Variants in CNTN4 observed in about 807,000 individuals in gnomAD.
CNTN4 encodes the protein contactin-4.
A neutral mutation model predicts 122.5 loss-of-function variants in CNTN4; 77 were observed. The ratio of observed to expected loss-of-function variants is 0.63; its 90% CI spans 0.52 to 0.76. The LOEUF (loss-of-function observed/expected upper bound fraction) is 0.76. Ranked by LOEUF, CNTN4 falls within the 30% of genes least tolerant of loss-of-function variation. The pLI is 0.00. For missense variants in CNTN4, 1,256 were observed against 1,259.1 expected (o/e 1.00, Z 0.04); for synonymous variants, 512 against 447.0 (o/e 1.15, Z -1.83).
chr3:2,168,824 T>G (rs1428972660), intron 2 of CNTN4, among the ~76,000 whole-genome samples: 1 of 152,152 alleles, frequency 6.6e-6, no homozygotes, highest in Admixed American at 6.5e-5. Flanking sequence ...GCAGATTTGG[T>G]GATTTGCTTG....
chr3:2,576,549 T>C (rs371183744), intron 4 of CNTN4, among the ~76,000 whole-genome samples: 1 of 100,188 alleles, frequency 1.0e-5, no homozygotes, highest in African/African-American at 3.9e-5. Flanking sequence ...TACTGTTTTT[T>C]TCTTTTTTTT....
chr3:2,423,241 C>G (rs1268561431), intron 3 of CNTN4, among the ~76,000 whole-genome samples: 4 of 152,076 alleles, frequency 2.6e-5, no homozygotes, highest in African/African-American at 7.2e-5. Context: ...CAATTTTTGA[C>G]AAACAAACTT....
At chr3:3,034,930 A>G (rs1699471668) in intron 17 of CNTN4, 140 bp downstream of exon 17, 1 of 915,230 alleles carries the variant, frequency 1.1e-6, no homozygotes, top group Non-Finnish European at 1.8e-6. Flanking sequence ...ACCTCGGCCA[A>G]CTGTACTATC....
chr3:2,325,225 T>C (rs1189174195), intron 2 of CNTN4, among the ~76,000 whole-genome samples: 1 of 152,234 alleles, frequency 6.6e-6, no homozygotes, highest in Non-Finnish European at 1.5e-5. Context: ...CATTTGTCTA[T>C]GATTAAGCCA....
intron 6 of CNTN4, among the ~76,000 whole-genome samples, chr3:2,785,114 T>TATAC (rs1553639247): frequency 4.3e-5 from 6 of 138,930 alleles, no homozygotes; most frequent in African/African-American, 1.6e-4. Flanking sequence ...TGTACATGCG[T>TATAC]ACACACACAC....
At chr3:2,271,044 G>A (rs140275085) in intron 2 of CNTN4, among the ~76,000 whole-genome samples, 6 of 152,186 alleles carry the variant, frequency 3.9e-5, no homozygotes, top group Non-Finnish European at 7.4e-5. Context: ...TCTGCTTTTG[G>A]TGACAGTAGC....
At chr3:2,158,566 C>T (rs1228645173) in intron 2 of CNTN4, among the ~76,000 whole-genome samples, 1 of 152,310 alleles carries the variant, frequency 6.6e-6, no homozygotes, top group South Asian at 2.1e-4. Flanking sequence ...AGAACGTAGA[C>T]TAAATGGAGT....
rs888583980 is a variant in CNTN4 at position 2,760,380 on chromosome 3, AT to A, written c.358+14692del. On this transcript the variant is annotated intron_variant, in intron 6 of 24. Transcript: ENST00000418658. ...GTTGAAGTATTCGTTCAAAAGAATG[AT>A]TTTTTTTTCAGATTCTTTCTTTTGC... Among the ~76,000 whole-genome samples the A allele has an allele frequency of 7.3e-5, 11 of 151,234 alleles. 1 individual carries two copies. The East Asian group carries it at 7.8e-4, about 11-fold the overall frequency.
chr3:3,010,465 TAA>T (rs5846237), intron 14 of CNTN4, among the ~76,000 whole-genome samples: 1,717 of 147,150 alleles, frequency 0.012, 19 homozygotes, highest in African/African-American at 0.039. Context: ...CTTATGCCAT[TAA>T]AAAAAAAAAA....
At chr3:2,125,894 G>GGTT (rs1553570971) in intron 2 of CNTN4, among the ~76,000 whole-genome samples, 2 of 143,472 alleles carry the variant, frequency 1.4e-5, no homozygotes, top group East Asian at 2.1e-4. Context: ...TTTTATTTCT[G>GGTT]GTGTGTGTGT....
chr3:3,052,047 C>T (rs1307092609), intron 23 of CNTN4, among the ~76,000 whole-genome samples: 1 of 152,206 alleles, frequency 6.6e-6, no homozygotes, highest in Non-Finnish European at 1.5e-5. Context: ...TGTGTTCTAA[C>T]AAGTTCTCCA....
At chr3:2,337,819 AT>A (rs2044017790) in intron 2 of CNTN4, among the ~76,000 whole-genome samples, 1 of 152,084 alleles carries the variant, frequency 6.6e-6, no homozygotes, top group African/African-American at 2.4e-5. Flanking sequence ...ACTTTGACCG[AT>A]GTCTGTAGGA....
intron 2 of CNTN4, among the ~76,000 whole-genome samples, chr3:2,327,919 A>G (rs781384049): frequency 6.6e-6 from 1 of 152,164 alleles, no homozygotes; most frequent in Non-Finnish European, 1.5e-5. Flanking sequence ...ACTAGAAAGA[A>G]TTCCCCTCAC....
chr3:2,331,733 G>A (rs141964227), intron 2 of CNTN4, among the ~76,000 whole-genome samples: 1 of 152,158 alleles, frequency 6.6e-6, no homozygotes, highest in African/African-American at 2.4e-5. Flanking sequence ...CCTGTCTATT[G>A]GAACTCAGGC....
chr3:2,995,038 G>A (rs1016783358), intron 14 of CNTN4, among the ~76,000 whole-genome samples: 1 of 152,086 alleles, frequency 6.6e-6, no homozygotes, highest in African/African-American at 2.4e-5. Context: ...GTGACCCTAG[G>A]CATCTAGAGT....
intron 3 of CNTN4, among the ~76,000 whole-genome samples, chr3:2,354,360 A>G (rs918531438): frequency 9.2e-5 from 14 of 152,020 alleles, no homozygotes; most frequent in Non-Finnish European, 5.9e-5. Context: ...GCGAAACCCC[A>G]TCTCTACTAA....
chr3:2,452,296 A>G (rs148088204), intron 3 of CNTN4, among the ~76,000 whole-genome samples: 1 of 152,266 alleles, frequency 6.6e-6, no homozygotes, highest in Non-Finnish European at 1.5e-5. Flanking sequence ...GAGCCCCAGC[A>G]ATATATAAAG....
rs543810762 is a variant in CNTN4 at position 2,376,021 on chromosome 3, G to A, written c.-89+36788G>A. Among the ~76,000 whole-genome samples the A allele has an allele frequency of 5.9e-5, 9 of 152,050 alleles. No individual in the cohort carries two copies. In the South Asian group the frequency reaches 6.2e-4, roughly 11 times the overall value. ...CTTTGCCATTTATTGAAGCATAGAC[G>A]GGTGCCCTACCCTACATGAAAGCTA... On this transcript the variant is annotated intron_variant, in intron 3 of 24. Transcript: ENST00000418658.
rs377075887 is a variant in CNTN4, at chr3:3,050,472, C to T, written c.2812-3335C>T. Among the ~76,000 whole-genome samples the T allele has an allele frequency of 5.9e-5, 9 of 151,952 alleles. 1 individual carries two copies. The South Asian group carries it at 1.9e-3, about 32-fold the overall frequency. The stretch of plus-strand genomic sequence containing the variant: ...GCCAAGGTAGTCTTCGTTAAAAATC[C>T]AGGTTCTGAGGCCGGGCACGGTGGC... On this transcript the variant is annotated intron_variant, in intron 23 of 24. Coordinates refer to ENST00000418658, the MANE Select transcript of CNTN4 (RefSeq NM_175607.3).
Sources: gnomAD v4.1 joint callset for allele counts (sites outside exome capture counted in the v4.1 genomes callset) on GRCh38, gnomAD v4.1.1 for gene constraint, MANE v1.5 for transcripts, NCBI Gene and HGNC (gene_info 2026-07-23, HGNC 2026-07-21) for gene names.